DGKB: variants seen among roughly 807,000 people sequenced by gnomAD.
The protein encoded by DGKB is 90 kDa diacylglycerol kinase.
DGKB carries 67 observed loss-of-function variants against 114.3 expected under a neutral mutation model. The ratio of observed to expected loss-of-function variants is 0.59; its 90% CI spans 0.48 to 0.72. The LOEUF is 0.72. Among genes scored for constraint, DGKB ranks in the 30% least tolerant of loss-of-function variants. The pLI is 0.00. For synonymous variants in DGKB, 398 were observed against 323.1 expected, an observed-to-expected ratio of 1.23 and a Z score of -2.49; for missense variants, 907 against 975.2, an observed-to-expected ratio of 0.93 and a Z score of 0.93.
chr7:14,549,687 G>C (rs928806570), intron 20 of DGKB, among the ~76,000 whole-genome samples: 2 of 152,126 alleles, frequency 1.3e-5, no homozygotes, highest in Non-Finnish European at 2.9e-5. Flanking sequence ...TGAAAGGAAA[G>C]ACGATTAAAA....
At chr7:14,935,008 C>G (rs903756561) in intron 1 of DGKB, among the ~76,000 whole-genome samples, 6 of 152,128 alleles carry the variant, frequency 3.9e-5, no homozygotes, top group Non-Finnish European at 7.4e-5. Context: ...TTGAGAGAAG[C>G]CTTAGAGCTA....
intron 9 of DGKB, among the ~76,000 whole-genome samples, chr7:14,686,555 T>G (rs963546590): frequency 1.8e-4 from 27 of 152,206 alleles, no homozygotes; most frequent in African/African-American, 6.5e-4. Context: ...GCATTAACGT[T>G]ACTCCTGTGG....
chr7:14,189,850 A>G (rs1422485606), intron 23 of DGKB, among the ~76,000 whole-genome samples: 1 of 152,198 alleles, frequency 6.6e-6, no homozygotes, highest in African/African-American at 2.4e-5. Flanking sequence ...ATTCAACAAG[A>G]GGATATAACA....
intron 20 of DGKB, among the ~76,000 whole-genome samples, chr7:14,564,830 AG>A (rs1428692893): frequency 6.6e-6 from 1 of 151,866 alleles, no homozygotes. Context: ...ATTGTTTTCC[AG>A]GGCATTTCCC....
intron 23 of DGKB, among the ~76,000 whole-genome samples, chr7:14,206,066 C>A (rs1013350457): frequency 6.6e-6 from 1 of 151,938 alleles, no homozygotes; most frequent in South Asian, 2.1e-4. Context: ...ATATTAACTA[C>A]AAAATGTAAA....
At chr7:14,423,953 T>C (rs1333441393) in intron 21 of DGKB, among the ~76,000 whole-genome samples, 1 of 152,110 alleles carries the variant, frequency 6.6e-6, no homozygotes, top group Admixed American at 6.6e-5. Context: ...GTAAAACTCA[T>C]TAATGTCAAC....
rs1815564987 is a variant in DGKB at position 14,360,732 on chromosome 7, G to A, written c.1836-15341C>T. ...ATATTTGCTTGGCATATTCAAATAT[G>A]AATGACACCCCAAATCACTAGGCAA... On this transcript the variant is annotated intron_variant, in intron 21 of 25. Coordinates refer to ENST00000402815, the MANE Select transcript of DGKB (RefSeq NM_001350709.2). 1.3e-5 allele frequency among the ~76,000 whole-genome samples: 2 copies of A among 151,920 alleles called. 1 individual carries two copies. Among genetic ancestry groups the A allele is most frequent in the South Asian group, 4.1e-4 (2 of 4,822 alleles).
chr7:14,278,990 G>T (rs924334569), intron 23 of DGKB, among the ~76,000 whole-genome samples: 13 of 152,174 alleles, frequency 8.5e-5, no homozygotes, highest in Non-Finnish European at 1.9e-4. Flanking sequence ...TCACTAGGGA[G>T]TGCCAGACAG....
chr7:14,536,511 T>C (rs1183347876), intron 20 of DGKB, among the ~76,000 whole-genome samples: 1 of 152,068 alleles, frequency 6.6e-6, no homozygotes, highest in East Asian at 1.9e-4. Flanking sequence ...ATTTAACACA[T>C]GCAAATCAAT....
chr7:14,237,565 A>T (rs1339069649), intron 23 of DGKB, among the ~76,000 whole-genome samples: 1 of 151,960 alleles, frequency 6.6e-6, no homozygotes, highest in Non-Finnish European at 1.5e-5. Flanking sequence ...AATATTTTAC[A>T]GTTACTCAAG....
chr7:14,822,550 A>G (rs1335662146), intron 2 of DGKB, among the ~76,000 whole-genome samples: 1 of 152,152 alleles, frequency 6.6e-6, no homozygotes, highest in Non-Finnish European at 1.5e-5. Context: ...TAGCCTTAAT[A>G]GTTTTAGAGA....
chr7:14,821,162 C>A (rs1844881656), intron 2 of DGKB, among the ~76,000 whole-genome samples: 1 of 152,092 alleles, frequency 6.6e-6, no homozygotes, highest in Admixed American at 6.6e-5. Flanking sequence ...TGTATCGAAG[C>A]ATCTTTTATC....
At chr7:14,456,785 A>AT (rs1832347719) in intron 21 of DGKB, among the ~76,000 whole-genome samples, 1 of 152,086 alleles carries the variant, frequency 6.6e-6, no homozygotes, top group African/African-American at 2.4e-5. Flanking sequence ...AATTGACATG[A>AT]TTTTTTTCTA....
intron 25 of DGKB, among the ~76,000 whole-genome samples, chr7:14,159,753 A>AC (rs1783576780): frequency 6.6e-6 from 1 of 151,858 alleles, no homozygotes; most frequent in South Asian, 2.1e-4. Flanking sequence ...CATTGCAACC[A>AC]CCCCCGTCTC....
chr7:14,875,697 G>A (rs1034391365), intron 1 of DGKB, among the ~76,000 whole-genome samples: 5 of 152,126 alleles, frequency 3.3e-5, no homozygotes, highest in Non-Finnish European at 5.9e-5. Context: ...TAATCCCAGT[G>A]AACAGATTAG....
chr7:14,889,999 G>T (rs534594649), intron 1 of DGKB, among the ~76,000 whole-genome samples: 1 of 151,624 alleles, frequency 6.6e-6, no homozygotes, highest in African/African-American at 2.4e-5. Context: ...AGTAAAACAT[G>T]TATGCATTAA....
intron 20 of DGKB, among the ~76,000 whole-genome samples, chr7:14,533,751 G>A (rs1791975994): frequency 6.6e-6 from 1 of 151,912 alleles, no homozygotes; most frequent in South Asian, 2.1e-4. Flanking sequence ...TTCAGTCCAG[G>A]AGCGGGTGGA....
chr7:14,495,524 C>T (rs1448888190), intron 20 of DGKB, among the ~76,000 whole-genome samples: 1 of 151,670 alleles, frequency 6.6e-6, no homozygotes, highest in African/African-American at 2.4e-5. Context: ...ATGACAATTT[C>T]AGCATTTAAA....
chr7:14,301,450 T>C (rs1250754999), intron 23 of DGKB, among the ~76,000 whole-genome samples: 1 of 152,142 alleles, frequency 6.6e-6, no homozygotes, highest in Admixed American at 6.6e-5. Context: ...GACATCTTCA[T>C]GTACTGCAGA....
Sources: gnomAD v4.1 joint callset for allele counts (sites outside exome capture counted in the v4.1 genomes callset) on GRCh38, gnomAD v4.1.1 for gene constraint, MANE v1.5 for transcripts, NCBI Gene and HGNC (gene_info 2026-07-23, HGNC 2026-07-21) for gene names.